The following STXBP5L variants were observed in gnomAD, a reference collection of about 807,000 sequenced individuals.
STXBP5L encodes the protein syntaxin binding protein 5L.
A neutral mutation model predicts 144.5 loss-of-function variants in STXBP5L; 65 were observed. The ratio of observed to expected loss-of-function variants is 0.45; its 90% CI spans 0.37 to 0.55. The LOEUF (loss-of-function observed/expected upper bound fraction) is 0.55, where lower values mean the gene tolerates loss of function less well. Among genes scored for constraint, STXBP5L ranks in the 20% least tolerant of loss-of-function variants. The pLI is 0.00. For synonymous variants in STXBP5L, 505 were observed against 469.6 expected (o/e 1.08, Z -0.97); for missense variants, 1,298 against 1,405.5 (o/e 0.92, Z 1.22).
intron 5 of STXBP5L, among the ~76,000 whole-genome samples, chr3:121,072,914 G>T (rs1373809305): frequency 6.6e-6 from 1 of 152,144 alleles, no homozygotes; most frequent in Admixed American, 6.5e-5. Context: ...GCAAAAGCAT[G>T]CCTTGAGTCA....
chr3:121,239,071 C>T lies in STXBP5L; in HGVS notation c.1285C>T (p.Leu429=). ...ADCPPDLILV[L]YSIGVKHKKQ... is the part of the protein sequence containing the mutation. Reference sequence around the variant, plus strand: ...TTGTCCTCCGGATTTGATTCTAGTACTGTATTCTATAGGAGTCAAGCATAA... The same window carrying T: ...TTGTCCTCCGGATTTGATTCTAGTATTGTATTCTATAGGAGTCAAGCATAA... Residue 429 remains leucine (L), a synonymous_variant, in exon 13 of 27, where the codon CTG becomes TTG. Coordinates refer to ENST00000471454, the MANE Select transcript of STXBP5L (RefSeq NM_001308330.2). 1 of 1,608,604 alleles carries T rather than the reference C, an allele frequency of 6.2e-7. No individual in the cohort carries two copies. Among genetic ancestry groups the T allele is most frequent in the Non-Finnish European group, 8.5e-7 (1 of 1,177,484 alleles).
chr3:121,272,710 C>G (rs2050766733), intron 18 of STXBP5L, among the ~76,000 whole-genome samples: 1 of 151,926 alleles, frequency 6.6e-6, no homozygotes, highest in South Asian at 2.1e-4. Flanking sequence ...TTGCTGTGTT[C>G]CCTTGTGCTT....
At chr3:121,190,432 T>A (rs890799783) in intron 9 of STXBP5L, among the ~76,000 whole-genome samples, 1 of 152,236 alleles carries the variant, frequency 6.6e-6, no homozygotes, top group Non-Finnish European at 1.5e-5. Flanking sequence ...CAGAACAAAA[T>A]GGAGTCTCCT....
chr3:120,976,512 T>A (rs1941040074), intron 3 of STXBP5L, among the ~76,000 whole-genome samples: 1 of 152,202 alleles, frequency 6.6e-6, no homozygotes, highest in African/African-American at 2.4e-5. Flanking sequence ...GGTTCATTAA[T>A]TTTTTGAAGG....
intron 20 of STXBP5L, among the ~76,000 whole-genome samples, chr3:121,370,695 G>A (rs1281039433): frequency 1.3e-5 from 2 of 152,112 alleles, no homozygotes; most frequent in African/African-American, 2.4e-5. Context: ...CAGAGGTTTT[G>A]TTCATTCATT....
intron 5 of STXBP5L, among the ~76,000 whole-genome samples, chr3:121,090,024 T>C (rs1011132576): frequency 4.6e-5 from 7 of 152,186 alleles, no homozygotes; most frequent in African/African-American, 1.7e-4. Flanking sequence ...CTTTTAAATA[T>C]TTGTTAGCAA....
Position 121,386,759 on chromosome 3 carries a change from A to C in STXBP5L, c.2587+5227A>C, listed in dbSNP as rs943693858. On this transcript the variant is annotated intron_variant, in intron 22 of 26. Coordinates refer to ENST00000471454, the MANE Select transcript of STXBP5L (RefSeq NM_001308330.2). ...TCATCCTTTTTTATGGCTGCGTAGT[A>C]TTACATGGTATATTTGTGCCAAATT... Among the ~76,000 whole-genome samples, 94 of 152,136 alleles carry C rather than the reference A, an allele frequency of 6.2e-4. 1 individual carries two copies. The highest frequency in any genetic ancestry group is 3.3e-4 in the Admixed American group (5 of 15,270).
chr3:121,174,784 A>C (rs1164806285), intron 9 of STXBP5L, among the ~76,000 whole-genome samples: 5 of 152,134 alleles, frequency 3.3e-5, no homozygotes, highest in Non-Finnish European at 1.5e-5. Context: ...ATCCAGGGAA[A>C]GCTTCCTTCA....
At chr3:120,917,539 A>T (rs573136590) in intron 2 of STXBP5L, among the ~76,000 whole-genome samples, 2 of 152,096 alleles carry the variant, frequency 1.3e-5, no homozygotes, top group African/African-American at 2.4e-5. Context: ...TGCCTTTTAA[A>T]ATAGCAAGGG....
At chr3:121,287,260 A>C (rs138716566) in intron 19 of STXBP5L, among the ~76,000 whole-genome samples, 1,706 of 152,326 alleles carry the variant, frequency 0.011, 19 homozygotes, top group Non-Finnish European at 0.014. Context: ...AAGAAATAAA[A>C]GTTATCTAGA....
intron 5 of STXBP5L, among the ~76,000 whole-genome samples, chr3:121,079,944 T>C (rs115844551): frequency 0.035 from 5,407 of 152,330 alleles, 145 homozygotes; most frequent in Middle Eastern, 0.082. Flanking sequence ...ACTATTATTG[T>C]GTTGCTGTCT....
intron 5 of STXBP5L, among the ~76,000 whole-genome samples, chr3:121,067,226 A>C (rs536486786): frequency 1.2e-4 from 18 of 152,148 alleles, no homozygotes; most frequent in African/African-American, 4.3e-4. Flanking sequence ...AATGAGATGG[A>C]ACCTTACATA....
At chr3:121,388,239 G>T (rs550750494) in intron 22 of STXBP5L, among the ~76,000 whole-genome samples, 1 of 152,124 alleles carries the variant, frequency 6.6e-6, no homozygotes, top group Admixed American at 6.5e-5. Flanking sequence ...ATTTTTGCAC[G>T]TTGATTTTGT....
chr3:121,098,142 T>C (rs2043224993), intron 5 of STXBP5L, among the ~76,000 whole-genome samples: 1 of 152,186 alleles, frequency 6.6e-6, no homozygotes, highest in South Asian at 2.1e-4. Context: ...AATATCTTGA[T>C]ATGTTTTTTA....
At chr3:121,034,069 G>A (rs1236320058) in intron 3 of STXBP5L, among the ~76,000 whole-genome samples, 1 of 151,990 alleles carries the variant, frequency 6.6e-6, no homozygotes, top group Admixed American at 6.6e-5. Flanking sequence ...TCTATAATAT[G>A]CCACTCTCTA....
chr3:121,270,516 G>A (rs1289070457), intron 18 of STXBP5L, among the ~76,000 whole-genome samples: 4 of 151,804 alleles, frequency 2.6e-5, no homozygotes, highest in Admixed American at 6.6e-5. Context: ...ACAGTGGCAC[G>A]ATCTCAGCTA....
intron 5 of STXBP5L, among the ~76,000 whole-genome samples, chr3:121,050,253 T>A (rs1330754411): frequency 1.3e-5 from 2 of 152,170 alleles, no homozygotes; most frequent in Non-Finnish European, 2.9e-5. Context: ...AGTCTTTTTT[T>A]TTAAGAGGAA....
At chr3:121,176,809 T>A (rs994039138) in intron 9 of STXBP5L, among the ~76,000 whole-genome samples, 7 of 151,358 alleles carry the variant, frequency 4.6e-5, no homozygotes, top group South Asian at 2.1e-4. Flanking sequence ...GGAGTTTTTT[T>A]AAAAAAAAGC....
At chr3:120,979,129 G>C (rs1941448710) in intron 3 of STXBP5L, among the ~76,000 whole-genome samples, 1 of 152,234 alleles carries the variant, frequency 6.6e-6, no homozygotes, top group Middle Eastern at 3.4e-3. Context: ...CTTTTTGTTT[G>C]TCTGTGCCTT....
Sources: allele counts gnomAD v4.1 joint callset (sites outside exome capture counted in the v4.1 genomes callset), GRCh38; gene constraint gnomAD v4.1.1; transcripts MANE v1.5; gene names NCBI Gene and HGNC (gene_info 2026-07-23, HGNC 2026-07-21).